RPS6KA6: variants seen among roughly 807,000 people sequenced by gnomAD.
RPS6KA6 encodes ribosomal protein S6 kinase alpha-6.
In RPS6KA6, 27 loss-of-function variants were observed where a neutral mutation model predicts 65.4. The ratio of observed to expected loss-of-function variants is 0.41; its 90% CI spans 0.30 to 0.57. RPS6KA6 has a LOEUF of 0.57. Ranked by LOEUF, RPS6KA6 falls within the 20% of genes least tolerant of loss-of-function variation. The pLI, the probability that RPS6KA6 is intolerant of heterozygous loss-of-function variation, is 0.24. For synonymous variants in RPS6KA6, 190 were observed against 184.2 expected (o/e 1.03, Z -0.26); for missense variants, 486 against 555.6 (o/e 0.87, Z 1.26).
chrX:84,100,701 T>C (rs756740047), intron 18 of RPS6KA6, among the ~76,000 whole-genome samples: 1 of 110,647 alleles, frequency 9.0e-6, no homozygotes, highest in African/African-American at 3.3e-5. Flanking sequence ...AAAAGGCTAA[T>C]TTTTTTATGT....
intron 12 of RPS6KA6, among the ~76,000 whole-genome samples, chrX:84,111,298 CTTG>C (rs1309547622): frequency 9.0e-6 from 1 of 111,214 alleles, no homozygotes; most frequent in Non-Finnish European, 1.9e-5. Flanking sequence ...TATCCCCAAT[CTTG>C]TTAGAGACGT....
chrX:84,134,222 T>A (rs2034953864), intron 8 of RPS6KA6, among the ~76,000 whole-genome samples: 1 of 111,872 alleles, frequency 8.9e-6, no homozygotes, highest in Non-Finnish European at 1.9e-5. Flanking sequence ...CAATTTACAT[T>A]TATCCATTCC....
At chrX:84,138,916 T>G (rs2035047092) in intron 6 of RPS6KA6, among the ~76,000 whole-genome samples, 1 of 110,971 alleles carries the variant, frequency 9.0e-6, no homozygotes, top group African/African-American at 3.3e-5. Context: ...ATAAAATTCT[T>G]TAAAACATAC....
intron 13 of RPS6KA6, 122 bp from the exon 14 acceptor site, chrX:84,107,162 T>A (rs925908930): frequency 2.0e-6 from 1 of 509,011 alleles, no homozygotes; most frequent in Non-Finnish European, 3.0e-6. Flanking sequence ...TATATTTGAT[T>A]TATTATATAT....
rs1468578499 is a variant in RPS6KA6 at position 84,091,188 on chromosome X, A to G, written c.1971+5006T>C. Among the ~76,000 whole-genome samples the G allele has an allele frequency of 2.7e-5, 3 of 112,490 alleles. No homozygotes were observed. The Admixed American group carries it at 2.8e-4, about 11-fold the overall frequency. ...GCATCTTCTATTAAAAGCGACTTCA[A>G]GCCAAAATGAAAAATAAATATTTAT... On this transcript the variant is annotated intron_variant, in intron 20 of 21. Coordinates refer to ENST00000262752, the MANE Select transcript of RPS6KA6 (RefSeq NM_014496.5).
chrX:84,119,180 T>A (rs1295328582), intron 9 of RPS6KA6, among the ~76,000 whole-genome samples: 1 of 111,871 alleles, frequency 8.9e-6, no homozygotes, highest in Admixed American at 9.5e-5. Flanking sequence ...CCAAATATTT[T>A]ACTTAGAATC....
intron 3 of RPS6KA6, among the ~76,000 whole-genome samples, chrX:84,151,135 T>A (rs2035311489): frequency 1.0e-5 from 1 of 96,287 alleles, no homozygotes; most frequent in Non-Finnish European, 2.0e-5. Context: ...TATATAGATA[T>A]ATAGGATATA....
At chrX:84,072,708 C>T (rs1310771343) in intron 20 of RPS6KA6, among the ~76,000 whole-genome samples, 1 of 111,503 alleles carries the variant, frequency 9.0e-6, no homozygotes, top group Non-Finnish European at 1.9e-5. Flanking sequence ...TTGCAGGATA[C>T]AAAAGCAACA....
chrX:84,108,057 A>G (rs1443947324), intron 12 of RPS6KA6, among the ~76,000 whole-genome samples: 1 of 112,129 alleles, frequency 8.9e-6, no homozygotes, highest in African/African-American at 3.2e-5. Flanking sequence ...ATCAATAATT[A>G]TTTTTAAAAA....
chrX:84,163,410 C>T (rs1008096088), intron 2 of RPS6KA6, among the ~76,000 whole-genome samples: 22 of 109,070 alleles, frequency 2.0e-4, no homozygotes, highest in African/African-American at 4.3e-4. Flanking sequence ...GAGGCCGAGG[C>T]GGGTGGATCA....
At chrX:84,071,522 G>A (rs767708181) in intron 20 of RPS6KA6, among the ~76,000 whole-genome samples, 2 of 111,158 alleles carry the variant, frequency 1.8e-5, no homozygotes, top group South Asian at 7.6e-4. Context: ...CTTAACTGCT[G>A]CCCAGAATAA....
Position 84,072,899 on chromosome X carries a change from A to G in RPS6KA6, c.1972-7788T>C, listed in dbSNP as rs373448261. The stretch of plus-strand genomic sequence containing the variant: ...GGAAGAAACTGAAGAGGATACAAAT[A>G]AATGGAAAAATATTCCATTTTCATG... On this transcript the variant is annotated intron_variant, in intron 20 of 21. Transcript: ENST00000262752. Among the ~76,000 whole-genome samples, 11 of 111,900 alleles carry G rather than the reference A, an allele frequency of 9.8e-5. No individual in the cohort carries two copies. The East Asian group carries it at 1.1e-3, about 11-fold the overall frequency.
chrX:84,135,628 C>A (rs756585996), intron 6 of RPS6KA6, among the ~76,000 whole-genome samples: 3 of 111,084 alleles, frequency 2.7e-5, no homozygotes, highest in Non-Finnish European at 3.8e-5. Flanking sequence ...TCTGAGAATT[C>A]CACTATTTAT....
chrX:84,171,962 T>C (rs1602486001), intron 1 of RPS6KA6, among the ~76,000 whole-genome samples: 1 of 111,517 alleles, frequency 9.0e-6, no homozygotes. Context: ...GTTAGTTTGC[T>C]AAGGATGATG....
chrX:84,188,327 G>A (rs1285257453), upstream of RPS6KA6, among the ~76,000 whole-genome samples: 1 of 107,405 alleles, frequency 9.3e-6, no homozygotes, highest in East Asian at 3.2e-4. Flanking sequence ...TCACCCAAAC[G>A]TCAATGGAGA....
chrX:84,156,872 C>T (rs1408985620), intron 2 of RPS6KA6, among the ~76,000 whole-genome samples: 1 of 111,583 alleles, frequency 9.0e-6, no homozygotes. Context: ...TAATACTAGT[C>T]CCTACAGAAG....
At chrX:84,137,758 G>A (rs959708412) in intron 6 of RPS6KA6, among the ~76,000 whole-genome samples, 6 of 112,000 alleles carry the variant, frequency 5.4e-5, no homozygotes, top group African/African-American at 1.9e-4. Flanking sequence ...TGAATTATCA[G>A]TAATGTTTGT....
At chrX:84,151,046 T>TAG (rs201558697) in intron 3 of RPS6KA6, among the ~76,000 whole-genome samples, 5,237 of 92,464 alleles carry the variant, frequency 0.057, 350 homozygotes, top group East Asian at 0.2. Flanking sequence ...GATATATATA[T>TAG]AGAGGATAGA....
intron 20 of RPS6KA6, among the ~76,000 whole-genome samples, chrX:84,087,405 G>C (rs2033949355): frequency 9.0e-6 from 1 of 111,057 alleles, no homozygotes; most frequent in African/African-American, 3.3e-5. Context: ...TTTCTCCTTC[G>C]CTTGTGAAGT....
Sources: gnomAD v4.1 joint callset for allele counts (sites outside exome capture counted in the v4.1 genomes callset) on GRCh38, gnomAD v4.1.1 for gene constraint, MANE v1.5 for transcripts, NCBI Gene and HGNC (gene_info 2026-07-23, HGNC 2026-07-21) for gene names.